The following ZNF804B variants were observed in gnomAD, a reference collection of about 807,000 sequenced individuals.
ZNF804B encodes the protein zinc finger 804B.
Under a neutral mutation model 101.4 loss-of-function variants are expected in ZNF804B, and 80 were observed. That is an observed-to-expected ratio of 0.79 (90% CI 0.66 to 0.95). ZNF804B has a LOEUF of 0.95. ZNF804B is among the 40% of genes least tolerant of loss of function. The pLI is 0.00. For synonymous variants in ZNF804B, 622 were observed against 558.8 expected (o/e 1.11, Z -1.59); for missense variants, 1,673 against 1,561.9 (o/e 1.07, Z -1.20).
At chr7:89,023,241 G>C (rs950777373) in intron 1 of ZNF804B, among the ~76,000 whole-genome samples, 1 of 152,086 alleles carries the variant, frequency 6.6e-6, no homozygotes, top group Non-Finnish European at 1.5e-5. Context: ...TTCCTCTATA[G>C]TGCTGACTTT....
At chr7:89,116,685 T>G (rs1790316590) in intron 1 of ZNF804B, among the ~76,000 whole-genome samples, 1 of 152,204 alleles carries the variant, frequency 6.6e-6, no homozygotes, top group Non-Finnish European at 1.5e-5. Context: ...ATACCCATAG[T>G]CTTTACTTCT....
chr7:88,766,546 C>T (rs536487443), intron 1 of ZNF804B, among the ~76,000 whole-genome samples: 1 of 152,164 alleles, frequency 6.6e-6, no homozygotes, highest in South Asian at 2.1e-4. Flanking sequence ...TCTTCTTTGG[C>T]TGGGAGGAAG....
intron 2 of ZNF804B, among the ~76,000 whole-genome samples, chr7:89,269,508 G>T (rs1208841): frequency 0.25 from 37,278 of 152,060 alleles, 4,785 homozygotes; most frequent in Non-Finnish European, 0.27. Flanking sequence ...GTTGTGAATA[G>T]TGCCACAGTA....
chr7:88,921,444 A>G (rs1333129406), intron 1 of ZNF804B, among the ~76,000 whole-genome samples: 1 of 152,134 alleles, frequency 6.6e-6, no homozygotes, highest in African/African-American at 2.4e-5. Flanking sequence ...TACCTCACCC[A>G]AAGGGAGTAT....
At chr7:88,854,121 CATA>C (rs1442286556) in intron 1 of ZNF804B, among the ~76,000 whole-genome samples, 2 of 152,082 alleles carry the variant, frequency 1.3e-5, no homozygotes, top group African/African-American at 4.8e-5. Context: ...GGTCTATCAA[CATA>C]ATAATAATAG....
intron 2 of ZNF804B, among the ~76,000 whole-genome samples, chr7:89,321,279 G>C (rs1217529068): frequency 6.6e-6 from 1 of 152,092 alleles, no homozygotes; most frequent in African/African-American, 2.4e-5. Context: ...AGGAGATCGA[G>C]ACTGTCCTGG....
chr7:89,282,598 A>G (rs549694821), intron 2 of ZNF804B, among the ~76,000 whole-genome samples: 2 of 152,292 alleles, frequency 1.3e-5, no homozygotes, highest in Non-Finnish European at 1.5e-5. Flanking sequence ...TGTATATGCT[A>G]TCTTATTTGG....
At chr7:89,135,862 A>T (rs1469890711) in intron 1 of ZNF804B, among the ~76,000 whole-genome samples, 2 of 152,114 alleles carry the variant, frequency 1.3e-5, no homozygotes, top group African/African-American at 2.4e-5. Flanking sequence ...AGAAGACAAG[A>T]TCAGTTATTT....
In ZNF804B at chr7:89,336,832, C is replaced by T. The variant is rs771320201; in HGVS notation, c.3850C>T (p.Gln1284Ter). Residue 1284 changes from glutamine (Q) to a stop codon, truncating the protein, a stop_gained, in exon 4 of 4, where the codon CAG becomes TAG. Coordinates refer to ENST00000333190, the MANE Select transcript of ZNF804B (RefSeq NM_181646.5). LOFTEE classifies it high-confidence loss of function. ...CTTCCACCCATCTCACATAACACTTCAGCCTCTGCCCCCTACAGCATTTAT... is the reference window on the plus strand; with the variant it reads ...CTTCCACCCATCTCACATAACACTTTAGCCTCTGCCCCCTACAGCATTTAT... ...TPFHPSHITL[Q>*]PLPPTAFIPT... 5 of 1,614,108 alleles carry T rather than the reference C, an allele frequency of 3.1e-6. No homozygotes were observed. The highest frequency in any genetic ancestry group is 4.2e-6 in the Non-Finnish European group (5 of 1,180,012).
intron 1 of ZNF804B, among the ~76,000 whole-genome samples, chr7:88,936,503 G>T (rs1394848233): frequency 6.6e-6 from 1 of 152,036 alleles, no homozygotes; most frequent in Admixed American, 6.6e-5. Flanking sequence ...GGAAATGGGG[G>T]ATGTAGGCAA....
At chr7:88,945,146 G>T (rs1793108833) in intron 1 of ZNF804B, among the ~76,000 whole-genome samples, 1 of 152,006 alleles carries the variant, frequency 6.6e-6, no homozygotes, top group Non-Finnish European at 1.5e-5. Context: ...TGGTGTTTTA[G>T]TCATGAAGTC....
rs767449172 is a variant in ZNF804B at position 89,218,303 on chromosome 7, A to C, written c.249+8A>C. 1 of 1,613,222 alleles carries C rather than the reference A, an allele frequency of 6.2e-7. No individual in the cohort carries two copies. The highest frequency in any genetic ancestry group is 8.5e-7 in the Non-Finnish European group (1 of 1,179,552). ...GACCATGCTCATAAGCAGGTAAGGC[A>C]AAGTGGGAAAAGTCCTTCATATTCC... On this transcript the variant is annotated splice_region_variant and intron_variant, in intron 2 of 3. Coordinates refer to ENST00000333190, the MANE Select transcript of ZNF804B (RefSeq NM_181646.5).
intron 2 of ZNF804B, among the ~76,000 whole-genome samples, chr7:89,285,339 G>A (rs964222182): frequency 3.3e-5 from 5 of 151,210 alleles, no homozygotes; most frequent in Admixed American, 2.0e-4. Context: ...TGACTAACAC[G>A]ATGAAACCCC....
chr7:89,218,139 G>C lies in ZNF804B; in HGVS notation c.109-16G>C. The C allele has an allele frequency of 6.2e-7, 1 of 1,607,804 alleles. No homozygotes were observed. Among genetic ancestry groups the C allele is most frequent in the South Asian group, 1.1e-5 (1 of 89,864 alleles). ...AGAGAGAAGTCTAACCAACATTTAT[G>C]TATTTTTTCTTAAAGGATTTTGCAG... is the stretch of plus-strand genomic sequence containing the variant. On this transcript the variant is annotated splice_polypyrimidine_tract_variant and intron_variant, in intron 1 of 3. Transcript: ENST00000333190.
intron 1 of ZNF804B, among the ~76,000 whole-genome samples, chr7:88,884,170 C>T (rs1792084855): frequency 6.6e-6 from 1 of 150,990 alleles, no homozygotes; most frequent in African/African-American, 2.4e-5. Context: ...TCTTTACCTC[C>T]TTAAAAAATA....
At chr7:89,232,389 T>C (rs1789206401) in intron 2 of ZNF804B, among the ~76,000 whole-genome samples, 1 of 152,190 alleles carries the variant, frequency 6.6e-6, no homozygotes, top group African/African-American at 2.4e-5. Flanking sequence ...GTTCACTTTC[T>C]TGAGATATGT....
intron 1 of ZNF804B, among the ~76,000 whole-genome samples, chr7:88,913,359 C>G (rs369725319): frequency 1.3e-5 from 2 of 152,134 alleles, no homozygotes; most frequent in Non-Finnish European, 2.9e-5. Flanking sequence ...GATAGCACAA[C>G]AAGCAGTATC....
chr7:89,086,209 G>C (rs1789798157), intron 1 of ZNF804B, among the ~76,000 whole-genome samples: 1 of 151,962 alleles, frequency 6.6e-6, no homozygotes, highest in South Asian at 2.1e-4. Flanking sequence ...TTCAGGTACT[G>C]ACAAAAATAT....
intron 1 of ZNF804B, among the ~76,000 whole-genome samples, chr7:89,094,919 A>G (rs1229810367): frequency 1.3e-5 from 2 of 152,194 alleles, no homozygotes; most frequent in Non-Finnish European, 2.9e-5. Context: ...GTCCCTAGCA[A>G]TATCTATCAT....
Sources: allele counts gnomAD v4.1 joint callset (sites outside exome capture counted in the v4.1 genomes callset), GRCh38; gene constraint gnomAD v4.1.1; transcripts MANE v1.5; gene names NCBI Gene and HGNC (gene_info 2026-07-23, HGNC 2026-07-21).